HIVEP3: variants seen among roughly 807,000 people sequenced by gnomAD.
The protein encoded by HIVEP3 is transcription factor HIVEP3.
In HIVEP3, 49 loss-of-function variants were observed where a neutral mutation model predicts 152.8. The ratio of observed to expected loss-of-function variants is 0.32; its 90% CI spans 0.26 to 0.41. HIVEP3 has a LOEUF of 0.41. Among genes scored for constraint, HIVEP3 ranks in the 10% least tolerant of loss-of-function variants. HIVEP3 has a pLI of 1.00. For synonymous variants in HIVEP3, 1,269 were observed against 1,289.0 expected (o/e 0.98, Z 0.33); for missense variants, 2,790 against 3,103.3 (o/e 0.90, Z 2.40).
intron 1 of HIVEP3, among the ~76,000 whole-genome samples, chr1:41,824,469 C>T (rs917893119): frequency 7.2e-5 from 11 of 152,010 alleles, no homozygotes; most frequent in African/African-American, 2.7e-4. Context: ...ACACAGCTAA[C>T]GTTGTAAGTG....
At chr1:41,735,325 G>A (rs1264074130) in intron 1 of HIVEP3, among the ~76,000 whole-genome samples, 2 of 152,230 alleles carry the variant, frequency 1.3e-5, no homozygotes, top group Non-Finnish European at 2.9e-5. Context: ...TTGCTCTGAT[G>A]GTGACGATGG....
chr1:41,563,752 G>A (rs1015319226), intron 5 of HIVEP3, among the ~76,000 whole-genome samples: 9 of 152,058 alleles, frequency 5.9e-5, no homozygotes, highest in South Asian at 4.2e-4. Flanking sequence ...CAGAAACCAC[G>A]CAGGAAAAAA....
intron 7 of HIVEP3, among the ~76,000 whole-genome samples, chr1:41,514,982 C>T (rs1295093829): frequency 2.6e-5 from 4 of 152,226 alleles, no homozygotes; most frequent in Non-Finnish European, 5.9e-5. Flanking sequence ...TTGGGCATCT[C>T]TGAAATGGAC....
chr1:41,973,509 G>A (rs1376865327), intron 1 of HIVEP3, among the ~76,000 whole-genome samples: 7 of 152,222 alleles, frequency 4.6e-5, no homozygotes, highest in Admixed American at 1.3e-4. Context: ...CCATGTGAGC[G>A]TCTCTGACAT....
At chr1:41,982,019 C>A (rs921180950) in intron 1 of HIVEP3, among the ~76,000 whole-genome samples, 2 of 152,172 alleles carry the variant, frequency 1.3e-5, no homozygotes, top group African/African-American at 4.8e-5. Context: ...GAGAAGGTGG[C>A]AGATGAACAC....
At chr1:41,990,471 C>A (rs1485820980) in intron 1 of HIVEP3, among the ~76,000 whole-genome samples, 3 of 147,156 alleles carry the variant, frequency 2.0e-5, no homozygotes, top group African/African-American at 7.5e-5. Context: ...TATATATGCA[C>A]CCAATACAGG....
chr1:41,864,467 G>C (rs1643932989), intron 1 of HIVEP3: 1 of 152,348 alleles, frequency 6.6e-6, no homozygotes, highest in African/African-American at 2.4e-5. Context: ...TTCACATAGA[G>C]ATGCTCCTAC....
Position 41,510,203 on chromosome 1 carries a change from C to T in HIVEP3, c.*248G>A, listed in dbSNP as rs1399885147. The T allele has an allele frequency of 8.4e-6, 3 of 358,366 alleles. No homozygotes were observed. Among genetic ancestry groups the T allele is most frequent in the Non-Finnish European group, 1.5e-5 (3 of 202,200 alleles). The allele number at this position is 358,366 out of a possible 1,614,324, so 22.2% of individuals were successfully genotyped here. Reference sequence around the variant, plus strand: ...ACCATAAACTATTCACAGCCTCAGACTCCTCGTGGGTTGTTGTTTTTTTTT... The same window carrying T: ...ACCATAAACTATTCACAGCCTCAGATTCCTCGTGGGTTGTTGTTTTTTTTT... On this transcript the variant is annotated 3_prime_UTR_variant, in exon 9 of 9. Coordinates refer to ENST00000372583, the MANE Select transcript of HIVEP3 (RefSeq NM_024503.5).
chr1:41,633,118 A>C (rs1412355116), intron 2 of HIVEP3, among the ~76,000 whole-genome samples: 1 of 151,976 alleles, frequency 6.6e-6, no homozygotes, highest in Non-Finnish European at 1.5e-5. Flanking sequence ...TGCCCACCAC[A>C]CCCGTGTCCA....
chr1:41,878,013 G>A (rs1644198317), intron 1 of HIVEP3, among the ~76,000 whole-genome samples: 1 of 152,130 alleles, frequency 6.6e-6, no homozygotes, highest in African/African-American at 2.4e-5. Context: ...ACAGGAAACA[G>A]GACCAGATTC....
chr1:41,534,946 G>C (rs1214544627), intron 5 of HIVEP3, among the ~76,000 whole-genome samples: 1 of 152,150 alleles, frequency 6.6e-6, no homozygotes, highest in Non-Finnish European at 1.5e-5. Context: ...GGTGACCTTG[G>C]GCAAGTCACT....
At chr1:41,825,744 C>A (rs1467903794) in intron 1 of HIVEP3, among the ~76,000 whole-genome samples, 2 of 152,006 alleles carry the variant, frequency 1.3e-5, no homozygotes, top group African/African-American at 2.4e-5. Context: ...GTACCTGGGA[C>A]TACAGGCGTG....
chr1:41,512,845 T>C lies in HIVEP3; in HGVS notation c.6376A>G (p.Arg2126Gly), dbSNP rs1642472212. Reference sequence around the variant, plus strand: ...GGGGAGGCGCAGGTCTCTGGGCTTCTGCTGAGGAGCTTGTGAGGTAGAGGC... The same window carrying C: ...GGGGAGGCGCAGGTCTCTGGGCTTCCGCTGAGGAGCTTGTGAGGTAGAGGC... ...PAPLPHKLLS[R>G]SPETCASPWQ... The change falls in exon 8 of 9, where the codon AGA becomes GGA. Residue 2126 changes from arginine (R) to glycine (G), a missense_variant. By Grantham distance (125) the Arg-to-Gly change is moderately radical (BLOSUM62 -2). Transcript: ENST00000372583. 2.0e-6 allele frequency: 3 copies of C among 1,532,260 alleles called. No individual in the cohort carries two copies. The highest frequency in any genetic ancestry group is 2.6e-6 in the Non-Finnish European group (3 of 1,134,488). 94.9% of individuals were successfully genotyped at this position (1,532,260 alleles called of 1,614,324 possible).
At chr1:41,616,376 C>G (rs1644968400) in intron 3 of HIVEP3, among the ~76,000 whole-genome samples, 1 of 152,160 alleles carries the variant, frequency 6.6e-6, no homozygotes. Flanking sequence ...TTTTTGCAAA[C>G]AGCAGACTAT....
At chr1:41,987,186 T>C (rs189666376) in intron 1 of HIVEP3, among the ~76,000 whole-genome samples, 50 of 152,250 alleles carry the variant, frequency 3.3e-4, no homozygotes, top group African/African-American at 9.9e-4. Flanking sequence ...TCTATAAACA[T>C]AGAAGAATTA....
chr1:42,001,902 G>T (rs1430279039), intron 1 of HIVEP3, among the ~76,000 whole-genome samples: 1 of 152,022 alleles, frequency 6.6e-6, no homozygotes, highest in South Asian at 2.1e-4. Flanking sequence ...CAACTGGGGG[G>T]TAGCCCGGGC....
intron 2 of HIVEP3, among the ~76,000 whole-genome samples, chr1:41,653,887 C>T (rs1345452927): frequency 6.6e-6 from 1 of 150,466 alleles, no homozygotes; most frequent in Non-Finnish European, 1.5e-5. Flanking sequence ...TCAAAATCCC[C>T]TGGCCCCTGT....
At chr1:41,825,258 G>A (rs985687525) in intron 1 of HIVEP3, among the ~76,000 whole-genome samples, 1 of 152,056 alleles carries the variant, frequency 6.6e-6, no homozygotes, top group South Asian at 2.1e-4. Flanking sequence ...GTACATTCAC[G>A]AGGGCGGGGA....
intron 1 of HIVEP3, among the ~76,000 whole-genome samples, chr1:41,911,668 C>T (rs1282767581): frequency 2.6e-5 from 4 of 152,028 alleles, no homozygotes; most frequent in Non-Finnish European, 5.9e-5. Flanking sequence ...ATAGAATAGA[C>T]ATATAAACTG....
Sources: gnomAD v4.1 joint callset for allele counts (sites outside exome capture counted in the v4.1 genomes callset) on GRCh38, gnomAD v4.1.1 for gene constraint, MANE v1.5 for transcripts, NCBI Gene and HGNC (gene_info 2026-07-23, HGNC 2026-07-21) for gene names.